The following HPCAL4 variants were observed in gnomAD, a reference collection of about 807,000 sequenced individuals.
HPCAL4 encodes hippocalcin-like protein 4.
In HPCAL4, 16 loss-of-function variants were observed where a neutral mutation model predicts 18.2. The observed-to-expected ratio is 0.88, with a 90% confidence interval of 0.59 to 1.33. The LOEUF (loss-of-function observed/expected upper bound fraction) is 1.33, where lower values mean the gene tolerates loss of function less well. HPCAL4 is among the 40% of genes most tolerant of loss of function. HPCAL4 has a pLI of 0.00. For synonymous variants in HPCAL4, 80 were observed against 97.5 expected (o/e 0.82, Z 1.06); for missense variants, 214 against 256.6 (o/e 0.83, Z 1.14).
At position 39,686,958 on chromosome 1, in the gene HPCAL4, T is replaced by G. The variant is rs545480558; in HGVS notation, c.-8-2347A>C. Among the ~76,000 whole-genome samples the G allele has an allele frequency of 2.0e-5, 3 of 152,326 alleles. No individual in the cohort carries two copies. The South Asian group carries it at 6.2e-4, about 32-fold the overall frequency. ...AAGGAATTCCACTCCCATAGCCCGA[T>G]GTCTGCCAGTGGGCTTCTAATTCTT... On this transcript the variant is annotated intron_variant, in intron 1 of 3. Coordinates refer to ENST00000372844, the MANE Select transcript of HPCAL4 (RefSeq NM_016257.4).
chr1:39,684,086 C>A lies in HPCAL4; in HGVS notation c.229G>T (p.Asp77Tyr). The A allele has an allele frequency of 6.2e-7, 1 of 1,613,990 alleles. No homozygotes were observed. Among genetic ancestry groups the A allele is most frequent in the Non-Finnish European group, 8.5e-7 (1 of 1,179,900 alleles). ...AACTCCCGGAAGTCGATGGTGCCGT[C>A]GCCGTTCTTGTCGAAGGTGCGGAAA... ...HAFRTFDKNG[D>Y]GTIDFREFIC... Residue 77 changes from aspartate (D) to tyrosine (Y), a missense_variant, in exon 3 of 4, where the codon GAC (aspartate) becomes TAC (tyrosine). Transcript: ENST00000372844.
chr1:39,690,056 G>A (rs760991281), intron 1 of HPCAL4, among the ~76,000 whole-genome samples: 40 of 152,186 alleles, frequency 2.6e-4, no homozygotes, highest in Non-Finnish European at 5.1e-4. Context: ...AATAGAAGGG[G>A]CCTGGAGAAT....
intron 1 of HPCAL4, among the ~76,000 whole-genome samples, chr1:39,684,841 C>T (rs1209205691): frequency 6.6e-6 from 1 of 152,168 alleles, no homozygotes; most frequent in African/African-American, 2.4e-5. Context: ...CCTCACTGAC[C>T]GTGCAGCACG....
In HPCAL4 at chr1:39,684,639, G is replaced by C. The variant is rs2676702; in HGVS notation, c.-8-28C>G. On this transcript the variant is annotated intron_variant, in intron 1 of 3. Transcript: ENST00000372844. ...GTGGGACAGAGGGATTCCTCCGACTGGGTCCAGGGAAAGGCCCTGCCTCAG... is the reference window on the plus strand; with the variant it reads ...GTGGGACAGAGGGATTCCTCCGACTCGGTCCAGGGAAAGGCCCTGCCTCAG... The C allele has an allele frequency of 4.2e-3, 6,459 of 1,537,170 alleles. 223 individuals are homozygous for C. In the African/African-American group the frequency reaches 0.075, roughly 18 times the overall value.
chr1:39,690,533 G>A (rs913825031), intron 1 of HPCAL4, among the ~76,000 whole-genome samples: 6 of 152,152 alleles, frequency 3.9e-5, no homozygotes, highest in Admixed American at 6.5e-5. Flanking sequence ...CTGGCTGTGA[G>A]GGGGGAGGGA....
At chr1:39,686,675 C>T (rs1049924794) in intron 1 of HPCAL4, among the ~76,000 whole-genome samples, 2 of 152,160 alleles carry the variant, frequency 1.3e-5, no homozygotes, top group African/African-American at 2.4e-5. Flanking sequence ...AATGTGAGCC[C>T]GTAAGTGGGC....
chr1:39,683,918 C>T lies in HPCAL4; in HGVS notation c.378+19G>A. 1 of 1,605,798 alleles carries T rather than the reference C, an allele frequency of 6.2e-7. No individual in the cohort carries two copies. Among genetic ancestry groups the T allele is most frequent in the South Asian group, 1.1e-5 (1 of 90,910 alleles). ...GAAGCGCTGGCCTCGGGAACAGCAG[C>T]GCCCGCGCGGCCCCGCACCTCGATG... is the stretch of plus-strand genomic sequence containing the variant. On this transcript the variant is annotated intron_variant, in intron 3 of 3. Transcript: ENST00000372844.
chr1:39,683,914 G>T (rs1244983042), intron 3 of HPCAL4, 23 bp downstream of exon 3: 2 of 1,603,204 alleles, frequency 1.2e-6, no homozygotes, highest in East Asian at 2.2e-5. Flanking sequence ...CTCGGGAACA[G>T]CAGCGCCCGC....
chr1:39,691,263 C>G (rs1043689898), intron 1 of HPCAL4, 43 bp downstream of exon 1: 1 of 152,286 alleles, frequency 6.6e-6, no homozygotes, highest in African/African-American at 2.4e-5. Context: ...GGCCTCCGCC[C>G]GGTGGGTTTG....
chr1:39,685,676 A>T (rs564241041), intron 1 of HPCAL4, among the ~76,000 whole-genome samples: 3 of 152,110 alleles, frequency 2.0e-5, no homozygotes, highest in African/African-American at 7.2e-5. Flanking sequence ...TCAGGTGATC[A>T]AGACCATCCT....
In HPCAL4 at chr1:39,680,443, A is replaced by G. The variant is rs190475287; in HGVS notation, c.*2093T>C. ...TCTGTGTGGTTGCGAATTAGGCTAGATTCAGCATTTGCAGGGAAGGAACCT... is the reference window on the plus strand; with the variant it reads ...TCTGTGTGGTTGCGAATTAGGCTAGGTTCAGCATTTGCAGGGAAGGAACCT... On this transcript the variant is annotated 3_prime_UTR_variant, in exon 4 of 4. Coordinates refer to ENST00000372844, the MANE Select transcript of HPCAL4 (RefSeq NM_016257.4). The G allele has an allele frequency of 3.1e-3, 467 of 152,316 alleles. 1 individual carries two copies. The highest frequency in any genetic ancestry group is 5.4e-3 in the Non-Finnish European group (369 of 68,032). 9.4% of individuals were successfully genotyped at this position (152,316 alleles called of 1,614,324 possible). A position where few individuals can be genotyped will look rare whatever the true frequency, so the allele number is the denominator to read the frequency against.
At chr1:39,690,534 G>A (rs946677183) in intron 1 of HPCAL4, among the ~76,000 whole-genome samples, 14 of 152,130 alleles carry the variant, frequency 9.2e-5, no homozygotes, top group Admixed American at 2.6e-4. Context: ...TGGCTGTGAG[G>A]GGGGAGGGAG....
intron 1 of HPCAL4, among the ~76,000 whole-genome samples, chr1:39,685,608 G>C (rs568828072): frequency 5.9e-5 from 9 of 152,064 alleles, no homozygotes; most frequent in Admixed American, 6.6e-5. Context: ...GGCCGGGCAC[G>C]GTGGCTCACA....
At chr1:39,685,409 C>T (rs1343055504) in intron 1 of HPCAL4, among the ~76,000 whole-genome samples, 1 of 152,132 alleles carries the variant, frequency 6.6e-6, no homozygotes, top group Non-Finnish European at 1.5e-5. Flanking sequence ...TTGAACGAGT[C>T]ACTGGGGACC....
At chr1:39,683,104 G>A (rs147693003) in intron 3 of HPCAL4, among the ~76,000 whole-genome samples, 254 of 152,202 alleles carry the variant, frequency 1.7e-3, no homozygotes, top group Non-Finnish European at 3.0e-3. Context: ...GGTTGGTCTC[G>A]AACTCATTAC....
chr1:39,690,459 G>C (rs562307417), intron 1 of HPCAL4, among the ~76,000 whole-genome samples: 28 of 152,362 alleles, frequency 1.8e-4, no homozygotes, highest in Non-Finnish European at 3.7e-4. Flanking sequence ...AGGTGGGAGA[G>C]AGGGAGCAAA....
intron 1 of HPCAL4, among the ~76,000 whole-genome samples, chr1:39,688,816 G>A (rs1005086305): frequency 1.3e-5 from 2 of 152,088 alleles, no homozygotes; most frequent in African/African-American, 2.4e-5. Flanking sequence ...CTTCTCTCCT[G>A]GACTATAATC....
intron 1 of HPCAL4, among the ~76,000 whole-genome samples, chr1:39,690,135 ACC>A (rs914724524): frequency 6.6e-6 from 1 of 151,878 alleles, no homozygotes; most frequent in African/African-American, 2.4e-5. Context: ...TTCTAAACCA[ACC>A]CCGCCCCCCT....
intron 1 of HPCAL4, among the ~76,000 whole-genome samples, chr1:39,686,111 G>A (rs1306569358): frequency 2.6e-5 from 4 of 151,590 alleles, no homozygotes; most frequent in Non-Finnish European, 5.9e-5. Context: ...AACCCCAGAG[G>A]CGGAGCTTGC....
Sources: gnomAD v4.1 joint callset for allele counts (sites outside exome capture counted in the v4.1 genomes callset) on GRCh38, gnomAD v4.1.1 for gene constraint, MANE v1.5 for transcripts, NCBI Gene and HGNC (gene_info 2026-07-23, HGNC 2026-07-21) for gene names.